Variants in ST3GAL3 observed in about 807,000 individuals in gnomAD.
ST3GAL3 encodes the protein ST3 beta-galactoside alpha-2,3-sialyltransferase 3.
A neutral mutation model predicts 50.1 loss-of-function variants in ST3GAL3; 21 were observed. The ratio of observed to expected loss-of-function variants is 0.42; its 90% CI spans 0.30 to 0.60. The LOEUF is 0.60. Ranked by LOEUF, ST3GAL3 falls within the 20% of genes least tolerant of loss-of-function variation. ST3GAL3 has a pLI of 0.19. For synonymous variants in ST3GAL3, 183 were observed against 190.0 expected (o/e 0.96, Z 0.30); for missense variants, 353 against 489.4 (o/e 0.72, Z 2.63).
chr1:43,775,878 T>C (rs1462327668), intron 2 of ST3GAL3, among the ~76,000 whole-genome samples: 1 of 152,040 alleles, frequency 6.6e-6, no homozygotes, highest in African/African-American at 2.4e-5. Flanking sequence ...TTCCTTAACC[T>C]AAGCAGTAAA....
At chr1:43,902,216 G>C (rs1161753606) in intron 9 of ST3GAL3, among the ~76,000 whole-genome samples, 1 of 152,230 alleles carries the variant, frequency 6.6e-6, no homozygotes, top group East Asian at 1.9e-4. Flanking sequence ...AGAGCTCTCT[G>C]CACCTGTCTG....
At chr1:43,779,731 A>G (rs527397605) in intron 2 of ST3GAL3, among the ~76,000 whole-genome samples, 2 of 152,352 alleles carry the variant, frequency 1.3e-5, no homozygotes, top group East Asian at 3.9e-4. Flanking sequence ...CTATGACCAT[A>G]GAAACACTAT....
chr1:43,736,212 A>G, intron 1 of ST3GAL3, 21 bp from the exon 2 acceptor site: 1 of 1,607,690 alleles, frequency 6.2e-7, no homozygotes, highest in East Asian at 2.2e-5. Flanking sequence ...TCTTTTAAGA[A>G]CTAAACTTTT....
At chr1:43,877,623 G>A (rs561955625) in intron 5 of ST3GAL3, among the ~76,000 whole-genome samples, 4 of 152,300 alleles carry the variant, frequency 2.6e-5, no homozygotes, top group South Asian at 2.1e-4. Flanking sequence ...CTTGAGCTCC[G>A]GATACAGGTC....
chr1:43,738,729 C>T (rs959103511), intron 2 of ST3GAL3: 1 of 152,176 alleles, frequency 6.6e-6, no homozygotes, highest in African/African-American at 2.4e-5. Context: ...AACTCCTGGG[C>T]TCAAGTGGTC....
intron 1 of ST3GAL3, among the ~76,000 whole-genome samples, chr1:43,734,060 G>A (rs755438280): frequency 3.3e-5 from 5 of 151,988 alleles, no homozygotes; most frequent in Non-Finnish European, 5.9e-5. Flanking sequence ...GCAGTGAACC[G>A]AGATCGTGCC....
rs117365690 is a variant in ST3GAL3, at chr1:43,896,028, G to T, written c.397+1551G>T. Among the ~76,000 whole-genome samples, 26 of 152,328 alleles carry T rather than the reference G, an allele frequency of 1.7e-4. No individual in the cohort carries two copies. The East Asian group carries it at 5.0e-3, about 29-fold the overall frequency. On this transcript the variant is annotated intron_variant, in intron 6 of 11. Transcript: ENST00000347631. ...GTGAAATTGGAAGTGGGAAAAGGAG[G>T]GAATCTGTTGCCTTTCCTAAAGCCC...
chr1:43,772,030 CTTT>C (rs11320873), intron 2 of ST3GAL3: 3,370 of 368,600 alleles, frequency 9.1e-3, no homozygotes, highest in Middle Eastern at 0.011. Flanking sequence ...CAGAGGTGGT[CTTT>C]TTTTTTTTTT....
At chr1:43,717,838 C>T (rs1466896929) in intron 1 of ST3GAL3, among the ~76,000 whole-genome samples, 1 of 151,382 alleles carries the variant, frequency 6.6e-6, no homozygotes, top group Non-Finnish European at 1.5e-5. Flanking sequence ...TTTACACATA[C>T]AAGAACAGAA....
At chr1:43,879,625 C>G (rs1250545966) in intron 5 of ST3GAL3, 2 of 334,780 alleles carry the variant, frequency 6.0e-6, no homozygotes, top group East Asian at 1.6e-4. Flanking sequence ...GGGATGCCAT[C>G]CAGTTGGCAA....
intron 2 of ST3GAL3, among the ~76,000 whole-genome samples, chr1:43,790,366 C>T (rs1051041734): frequency 1.3e-5 from 2 of 152,116 alleles, no homozygotes; most frequent in East Asian, 3.9e-4. Context: ...TGGGGTGTGG[C>T]TCTAGACTCT....
At chr1:43,879,712 T>G (rs1481612602) in intron 5 of ST3GAL3, among the ~76,000 whole-genome samples, 1 of 152,190 alleles carries the variant, frequency 6.6e-6, no homozygotes, top group Non-Finnish European at 1.5e-5. Flanking sequence ...GAAAAAAGAA[T>G]GACTCCTAGG....
intron 2 of ST3GAL3, among the ~76,000 whole-genome samples, chr1:43,763,278 G>T (rs1190083595): frequency 6.6e-6 from 1 of 152,130 alleles, no homozygotes; most frequent in Non-Finnish European, 1.5e-5. Context: ...GTGTAAAAAA[G>T]CAAGGATGGG....
intron 2 of ST3GAL3, among the ~76,000 whole-genome samples, chr1:43,767,254 A>G (rs1693422275): frequency 6.6e-6 from 1 of 152,164 alleles, no homozygotes. Flanking sequence ...AGAAAGGCAG[A>G]GGGAAGATTA....
rs2077936349 is a variant in ST3GAL3 at position 43,899,578 on chromosome 1, G to A, written c.595G>A (p.Val199Met). 1.2e-6 allele frequency: 2 copies of A among 1,613,998 alleles called. No individual in the cohort carries two copies. Among genetic ancestry groups the A allele is most frequent in the Non-Finnish European group, 1.7e-6 (2 of 1,180,042 alleles). Residue 199 changes from valine (V) to methionine (M), a missense_variant, in exon 9 of 12, where the codon GTG becomes ATG. Val to Met is a conservative substitution (Grantham distance 21). Transcript: ENST00000347631. This position sits in a 1 kb window ranked among gnomAD's most constrained non-coding sequence, Gnocchi z 5.4. The part of the protein sequence containing the change: ...SAPVKGFEKD[V>M]GSKTTLRITY... ...ACCAGTGAAAGGCTTTGAGAAGGAC[G>A]TGGGCAGCAAAACGACACTGCGCAT...
Position 43,737,402 on chromosome 1 carries a change from A to G in ST3GAL3, c.118+1022A>G, listed in dbSNP as rs1365191969. 1 of 152,216 alleles carries G rather than the reference A, an allele frequency of 6.6e-6. No homozygotes were observed. The highest frequency in any genetic ancestry group is 1.5e-5 in the Non-Finnish European group (1 of 68,036). 9.4% of individuals were successfully genotyped at this position (152,216 alleles called of 1,614,324 possible). A position where few individuals can be genotyped will look rare whatever the true frequency, so the allele number is the denominator to read the frequency against. On this transcript the variant is annotated intron_variant, in intron 2 of 11. Coordinates refer to ENST00000347631, the MANE Select transcript of ST3GAL3 (RefSeq NM_006279.5). This position sits in a 1 kb window ranked among gnomAD's most constrained non-coding sequence, Gnocchi z 4.0. Reference sequence around the variant, plus strand: ...GTTCTAAGACCCTAACATGGGAAGTATTACAGTGAAGTAGCTCATTTATTT... The same window carrying G: ...GTTCTAAGACCCTAACATGGGAAGTGTTACAGTGAAGTAGCTCATTTATTT...
chr1:43,875,515 C>G (rs2073883457), intron 5 of ST3GAL3, among the ~76,000 whole-genome samples: 1 of 152,090 alleles, frequency 6.6e-6, no homozygotes, highest in South Asian at 2.1e-4. Context: ...CCCATAAACC[C>G]CACGTGTCAT....
At chr1:43,896,768 C>T (rs1294896975) in intron 6 of ST3GAL3, 2 of 152,178 alleles carry the variant, frequency 1.3e-5, no homozygotes, top group Non-Finnish European at 2.9e-5. Flanking sequence ...TGGTCTCAAA[C>T]TCCTGAGCTC....
intron 5 of ST3GAL3, among the ~76,000 whole-genome samples, chr1:43,867,760 G>T (rs74073320): frequency 4.6e-5 from 7 of 152,146 alleles, no homozygotes; most frequent in Non-Finnish European, 7.3e-5. Flanking sequence ...CATATTTACC[G>T]TACCTTCTTG....
Sources: gnomAD v4.1 joint callset for allele counts (sites outside exome capture counted in the v4.1 genomes callset) on GRCh38, gnomAD v4.1.1 for gene constraint, Gnocchi (gnomAD v3.1) non-coding constraint, MANE v1.5 for transcripts, NCBI Gene and HGNC (gene_info 2026-07-23, HGNC 2026-07-21) for gene names.